Variants in CEP135 observed in about 807,000 individuals in gnomAD.
CEP135 encodes centrosomal protein of 135 kDa.
In CEP135, 142 loss-of-function variants were observed where a neutral mutation model predicts 157.3. That is an observed-to-expected ratio of 0.90 (90% confidence interval 0.79 to 1.04). CEP135 has a LOEUF of 1.04. CEP135 is among the 50% of genes least tolerant of loss of function. CEP135 has a pLI of 0.00. For missense variants in CEP135, 1,317 were observed against 1,309.2 expected, an observed-to-expected ratio of 1.01 and a Z score of -0.09; for synonymous variants, 396 against 439.8, an observed-to-expected ratio of 0.90 and a Z score of 1.25.
intron 1 of CEP135, among the ~76,000 whole-genome samples, chr4:55,951,269 A>G (rs1432401264): frequency 1.3e-5 from 2 of 152,212 alleles, no homozygotes; most frequent in Non-Finnish European, 1.5e-5. Flanking sequence ...TGGGAATAAA[A>G]TCACAGGGTT....
chr4:55,954,251 A>G lies in CEP135; in HGVS notation c.340A>G (p.Thr114Ala), dbSNP rs369699329. The G allele has an allele frequency of 5.0e-6, 8 of 1,603,518 alleles. No homozygotes were observed. The Admixed American group carries it at 6.9e-5, about 14-fold the overall frequency. The change falls in exon 4 of 26, where the codon ACA becomes GCA. Residue 114 changes from threonine (T) to alanine (A), a missense_variant. Coordinates refer to ENST00000257287, the MANE Select transcript of CEP135 (RefSeq NM_025009.5). Reference protein sequence around the residue: ...KTSLKKCARETADLKFLNNQY... With the variant: ...KTSLKKCAREAADLKFLNNQY... ...TTCATTGAAGAAATGTGCACGTGAA[A>G]CAGCTGATCTGAAATTTCTGAATAA...
chr4:55,990,230 T>G (rs976043954), intron 14 of CEP135, among the ~76,000 whole-genome samples: 12 of 152,220 alleles, frequency 7.9e-5, no homozygotes, highest in African/African-American at 2.9e-4. Context: ...AACATCAGTT[T>G]CAGTTTTTTC....
intron 13 of CEP135, among the ~76,000 whole-genome samples, chr4:55,982,892 A>G (rs187557842): frequency 3.9e-5 from 6 of 152,180 alleles, no homozygotes; most frequent in African/African-American, 1.4e-4. Context: ...CATATAAAGC[A>G]CTTAACAATG....
At position 55,952,257 on chromosome 4, in the gene CEP135, T is replaced by C. The variant is rs2109638020; in HGVS notation, c.113+14T>C. ...AAAACTTTTCAGGTAAAGACAAAAA[T>C]ACAGTTTTCAACCTTTATGATCCCT... On this transcript the variant is annotated intron_variant, in intron 2 of 25. Coordinates refer to ENST00000257287, the MANE Select transcript of CEP135 (RefSeq NM_025009.5). The C allele has an allele frequency of 1.3e-6, 2 of 1,487,570 alleles. No individual in the cohort carries two copies. Among genetic ancestry groups the C allele is most frequent in the East Asian group, 2.3e-5 (1 of 44,296 alleles). 92.1% of individuals were successfully genotyped at this position (1,487,570 alleles called of 1,614,324 possible). A position where few individuals can be genotyped will look rare whatever the true frequency, so the allele number is the denominator to read the frequency against.
chr4:56,022,059 C>T (rs1220457463), intron 24 of CEP135, among the ~76,000 whole-genome samples: 2 of 151,964 alleles, frequency 1.3e-5, no homozygotes, highest in Admixed American at 6.6e-5. Flanking sequence ...AAAAGTAAGC[C>T]GTAGGTAGCA....
intron 24 of CEP135, 131 bp from the exon 25 acceptor site, chr4:56,024,370 A>G: frequency 1.7e-6 from 1 of 575,454 alleles, no homozygotes; most frequent in Non-Finnish European, 3.1e-6. Context: ...GTACAAAGAC[A>G]TAGGATTTAA....
chr4:55,959,581 A>C, intron 5 of CEP135, 101 bp from the exon 6 acceptor site: 1 of 973,684 alleles, frequency 1.0e-6, no homozygotes. Flanking sequence ...CTGTTTGAGA[A>C]GCTGAAAGTA....
intron 9 of CEP135, among the ~76,000 whole-genome samples, chr4:55,971,040 T>C (rs1056207207): frequency 1.3e-5 from 2 of 152,076 alleles, no homozygotes; most frequent in Non-Finnish European, 2.9e-5. Context: ...CTAAACTAAC[T>C]AGAAGAAAAT....
intron 5 of CEP135, among the ~76,000 whole-genome samples, chr4:55,958,671 G>T (rs1444550304): frequency 6.6e-6 from 1 of 152,068 alleles, no homozygotes; most frequent in South Asian, 2.1e-4. Flanking sequence ...TATGAGTGCA[G>T]TTGCATACAT....
At chr4:56,011,076 A>T (rs543438949) in intron 19 of CEP135, among the ~76,000 whole-genome samples, 164 of 148,914 alleles carry the variant, frequency 1.1e-3, no homozygotes, top group African/African-American at 3.8e-3. Context: ...TCAGAAAATT[A>T]AAAAAAAAAA....
chr4:55,978,007 A>G (rs1185323410), intron 11 of CEP135, among the ~76,000 whole-genome samples: 1 of 152,222 alleles, frequency 6.6e-6, no homozygotes, highest in East Asian at 1.9e-4. Context: ...AGCCTTCAGC[A>G]TTGCGCATGT....
chr4:55,999,302 G>A lies in CEP135; in HGVS notation c.2010G>A (p.Arg670=). 6.2e-7 allele frequency: 1 copy of A among 1,610,512 alleles called. No homozygotes were observed. Among genetic ancestry groups the A allele is most frequent in the Non-Finnish European group, 8.5e-7 (1 of 1,177,484 alleles). ...SHQKTEVNSL[R]IVNEQLQRSV... ...TTGTTTTTGTCCATTGATTCTTTAG[G>A]ATAGTGAATGAGCAGCTACAGCGGT... Residue 670 remains arginine, a splice_region_variant and synonymous_variant, in exon 16 of 26, where the codon AGG becomes AGA. Transcript: ENST00000257287.
chr4:55,986,397 C>T (rs908675922), intron 14 of CEP135, among the ~76,000 whole-genome samples: 2 of 152,062 alleles, frequency 1.3e-5, no homozygotes, highest in Non-Finnish European at 2.9e-5. Flanking sequence ...TACAAATTGG[C>T]CAGGCATGGT....
Position 55,997,848 on chromosome 4 carries a change from A to G in CEP135, c.2010-1454A>G, listed in dbSNP as rs576055012. Among the ~76,000 whole-genome samples, 3 of 152,348 alleles carry G rather than the reference A, an allele frequency of 2.0e-5. 1 individual carries two copies. In the South Asian group the frequency reaches 6.2e-4, roughly 32 times the overall value. On this transcript the variant is annotated intron_variant, in intron 15 of 25. Coordinates refer to ENST00000257287, the MANE Select transcript of CEP135 (RefSeq NM_025009.5). ...GGAACAGCAGTTCTAGCTTTTAGGA[A>G]TAGTGTGAATACGGTGCAGTCACCT...
chr4:56,011,213 C>T (rs747162794), intron 19 of CEP135, among the ~76,000 whole-genome samples, 199 bp from the exon 20 acceptor site: 51 of 152,150 alleles, frequency 3.4e-4, no homozygotes, highest in Admixed American at 2.8e-3. Context: ...TCAGTCTGGG[C>T]GACAGAATGA....
intron 14 of CEP135, among the ~76,000 whole-genome samples, chr4:55,990,666 T>TA (rs1404781099): frequency 4.0e-5 from 6 of 150,884 alleles, no homozygotes; most frequent in Admixed American, 6.6e-5. Flanking sequence ...CCGGCTAATT[T>TA]AAAAAAAAAA....
At chr4:55,963,472 G>A (rs1344495865) in intron 6 of CEP135, among the ~76,000 whole-genome samples, 2 of 152,222 alleles carry the variant, frequency 1.3e-5, no homozygotes, top group Non-Finnish European at 2.9e-5. Context: ...TGGGCCAGGA[G>A]TGGTGGCTCA....
At chr4:56,027,446 A>G (rs1239790504) in intron 25 of CEP135, among the ~76,000 whole-genome samples, 1 of 152,186 alleles carries the variant, frequency 6.6e-6, no homozygotes, top group African/African-American at 2.4e-5. Flanking sequence ...AATCTAAAAT[A>G]TTTACTGCCT....
In CEP135 at chr4:56,011,527, A is replaced by AT. The variant is rs1730581858; in HGVS notation, c.2616+5_2616+6insT. Reference sequence around the variant, plus strand: ...GAGAGCTTAATGGCTGCCAAGGTGAAAAATATTATTTAGGTTGGATTTAAG... The same window carrying AT: ...GAGAGCTTAATGGCTGCCAAGGTGAATAAATATTATTTAGGTTGGATTTAAG... On this transcript the variant is annotated splice_donor_region_variant and intron_variant, in intron 20 of 25. Coordinates refer to ENST00000257287, the MANE Select transcript of CEP135 (RefSeq NM_025009.5). 1 of 1,583,362 alleles carries AT rather than the reference A, an allele frequency of 6.3e-7. No individual in the cohort carries two copies. The highest frequency in any genetic ancestry group is 1.4e-5 in the African/African-American group (1 of 73,430).
Sources: allele counts gnomAD v4.1 joint callset (sites outside exome capture counted in the v4.1 genomes callset), GRCh38; gene constraint gnomAD v4.1.1; transcripts MANE v1.5; gene names NCBI Gene and HGNC (gene_info 2026-07-23, HGNC 2026-07-21).